Variants in ANKIB1 observed in about 807,000 individuals in gnomAD.
The protein encoded by ANKIB1 is ankyrin repeat and IBR domain containing 1.
A neutral mutation model predicts 122.1 loss-of-function variants in ANKIB1; 43 were observed. The ratio of observed to expected loss-of-function variants is 0.35; its 90% CI spans 0.28 to 0.45. The LOEUF (loss-of-function observed/expected upper bound fraction) is 0.45, where lower values mean the gene tolerates loss of function less well. ANKIB1 is among the 20% of genes least tolerant of loss of function. The probability of loss-of-function intolerance (pLI) is 1.00; values close to 1 mark genes in which losing one functional copy is unlikely to be tolerated. For missense variants in ANKIB1, 992 were observed against 1,329.5 expected (o/e 0.75, Z 3.95); for synonymous variants, 390 against 442.0 (o/e 0.88, Z 1.48).
intron 4 of ANKIB1, chr7:92,325,785 A>G (rs1803015216): frequency 5.2e-6 from 1 of 192,480 alleles, no homozygotes; most frequent in Admixed American, 5.5e-5. Flanking sequence ...TTATGATAAT[A>G]TCAAGGTAGT....
At chr7:92,260,799 T>A (rs1285432568) in intron 1 of ANKIB1, among the ~76,000 whole-genome samples, 1 of 152,204 alleles carries the variant, frequency 6.6e-6, no homozygotes, top group Non-Finnish European at 1.5e-5. Flanking sequence ...AAGCAGTGAT[T>A]TTAGTTTATT....
rs1802864081 is a variant in ANKIB1, at chr7:92,319,677, A to G, written c.669+165A>G. ...AAAGTATAAAAATACATCTAGGCCAACCACAGTGGCTCATGCCTGTAGTTC... is the reference window on the plus strand; with the variant it reads ...AAAGTATAAAAATACATCTAGGCCAGCCACAGTGGCTCATGCCTGTAGTTC... On this transcript the variant is annotated intron_variant, in intron 4 of 19. Coordinates refer to ENST00000265742, the MANE Select transcript of ANKIB1 (RefSeq NM_019004.2). The G allele has an allele frequency of 2.9e-5, 20 of 689,082 alleles. 2 individuals are homozygous for G. In the South Asian group the frequency reaches 4.0e-4, roughly 14 times the overall value. The allele number at this position is 689,082 out of a possible 1,614,324, so 42.7% of individuals were successfully genotyped here. A position where few individuals can be genotyped will look rare whatever the true frequency, so the allele number is the denominator to read the frequency against.
At chr7:92,250,168 C>T (rs1291045651) in intron 1 of ANKIB1, among the ~76,000 whole-genome samples, 2 of 151,894 alleles carry the variant, frequency 1.3e-5, no homozygotes, top group Admixed American at 6.6e-5. Context: ...CTGAGGCAGG[C>T]GGATCACCTG....
Position 92,343,377 on chromosome 7 carries a change from T to C in ANKIB1, c.996+145T>C. On this transcript the variant is annotated intron_variant, in intron 6 of 19. Transcript: ENST00000265742. ...TTCTTGAAAGGTTCGGTTATTTCCA[T>C]GCTTCAGTAAATATTTATTATTACA... The C allele has an allele frequency of 1.0e-5, 7 of 671,962 alleles. No homozygotes were observed. In the South Asian group the frequency reaches 1.5e-4, roughly 14 times the overall value. The allele number at this position is 671,962 out of a possible 1,614,324, so 41.6% of individuals were successfully genotyped here.
chr7:92,256,602 T>C (rs957479976), intron 1 of ANKIB1, among the ~76,000 whole-genome samples: 1 of 152,176 alleles, frequency 6.6e-6, no homozygotes, highest in Non-Finnish European at 1.5e-5. Flanking sequence ...GCTTCTATCT[T>C]ATAAAATGAG....
At chr7:92,372,989 G>T (rs1472672425) in intron 11 of ANKIB1, among the ~76,000 whole-genome samples, 1 of 151,692 alleles carries the variant, frequency 6.6e-6, no homozygotes, top group African/African-American at 2.4e-5. Context: ...TAACTTTGAG[G>T]CTTAATGATT....
At chr7:92,292,089 C>G (rs1349236506) in intron 1 of ANKIB1, among the ~76,000 whole-genome samples, 1 of 152,058 alleles carries the variant, frequency 6.6e-6, no homozygotes, top group East Asian at 1.9e-4. Flanking sequence ...GGTTTTGATT[C>G]AAACAGAGGG....
Position 92,288,991 on chromosome 7 carries a change from A to T in ANKIB1, c.-90-5898A>T, listed in dbSNP as rs1273486592. Among the ~76,000 whole-genome samples the T allele has an allele frequency of 2.0e-5, 3 of 152,348 alleles. No homozygotes were observed. In the East Asian group the frequency reaches 5.8e-4, roughly 29 times the overall value. On this transcript the variant is annotated intron_variant, in intron 1 of 19. Coordinates refer to ENST00000265742, the MANE Select transcript of ANKIB1 (RefSeq NM_019004.2). ...AAGTTAAACATATGACTTAGTACAT[A>T]TCCCAGCAGTTCCACTCTTGGATAT... is the stretch of plus-strand genomic sequence containing the variant.
At chr7:92,269,847 G>A (rs973069493) in intron 1 of ANKIB1, among the ~76,000 whole-genome samples, 6 of 151,516 alleles carry the variant, frequency 4.0e-5, no homozygotes, top group Non-Finnish European at 7.4e-5. Flanking sequence ...TGTACAGCGT[G>A]CAGGTTTGAT....
Position 92,294,938 on chromosome 7 carries a change from G to T in ANKIB1, c.-41G>T. The T allele has an allele frequency of 6.7e-7, 1 of 1,499,830 alleles. No homozygotes were observed. 92.9% of individuals were successfully genotyped at this position (1,499,830 alleles called of 1,614,324 possible). On this transcript the variant is annotated 5_prime_UTR_variant, in exon 2 of 20. Transcript: ENST00000265742. ...TTCCAGAAGTGGCTGAAGATAGAAG[G>T]AAAAAAGTGCCACTGCCTATCAGAA...
chr7:92,355,894 G>A (rs1396906109), intron 9 of ANKIB1, among the ~76,000 whole-genome samples: 7 of 143,512 alleles, frequency 4.9e-5, no homozygotes, highest in Non-Finnish European at 9.2e-5. Flanking sequence ...AATAGTAATA[G>A]TAATAATAAG....
intron 1 of ANKIB1, among the ~76,000 whole-genome samples, chr7:92,259,296 G>A (rs969791498): frequency 6.6e-6 from 1 of 152,124 alleles, no homozygotes; most frequent in African/African-American, 2.4e-5. Flanking sequence ...TAATGTCCAC[G>A]TGCCAGGTCG....
At chr7:92,253,828 T>A (rs1801382024) in intron 1 of ANKIB1, among the ~76,000 whole-genome samples, 1 of 152,198 alleles carries the variant, frequency 6.6e-6, no homozygotes, top group African/African-American at 2.4e-5. Context: ...CATAAATTTC[T>A]CCTGTTTTGG....
intron 1 of ANKIB1, among the ~76,000 whole-genome samples, chr7:92,281,766 C>T (rs1709499169): frequency 6.6e-6 from 1 of 152,162 alleles, no homozygotes; most frequent in African/African-American, 2.4e-5. Flanking sequence ...GGAGCGAGTT[C>T]TTTTCCAGTG....
At chr7:92,248,789 TA>T (rs1452932867) in intron 1 of ANKIB1, among the ~76,000 whole-genome samples, 22 of 152,154 alleles carry the variant, frequency 1.4e-4, no homozygotes, top group African/African-American at 5.1e-4. Flanking sequence ...GTGACTTCCT[TA>T]GGGGGAATGG....
At chr7:92,392,160 A>G in intron 16 of ANKIB1, 81 bp from the exon 17 acceptor site, 1 of 1,141,964 alleles carries the variant, frequency 8.8e-7, no homozygotes, top group Non-Finnish European at 1.2e-6. Flanking sequence ...ATTCAAAGTA[A>G]TGTTCAAAGG....
At chr7:92,367,593 C>T (rs780733421) in intron 10 of ANKIB1, among the ~76,000 whole-genome samples, 6 of 151,934 alleles carry the variant, frequency 3.9e-5, no homozygotes, top group Admixed American at 6.6e-5. Flanking sequence ...TTTCCGAAGT[C>T]TTTGAATTAT....
intron 3 of ANKIB1, among the ~76,000 whole-genome samples, chr7:92,309,569 A>G (rs1248133739): frequency 1.3e-5 from 2 of 152,118 alleles, no homozygotes; most frequent in African/African-American, 2.4e-5. Flanking sequence ...GGACTGCATC[A>G]TATTTCTCAA....
intron 1 of ANKIB1, among the ~76,000 whole-genome samples, chr7:92,293,206 T>G (rs1282032587): frequency 6.6e-6 from 1 of 152,152 alleles, no homozygotes; most frequent in African/African-American, 2.4e-5. Flanking sequence ...GTGCTTCCCC[T>G]AGAGACTCTG....
Sources: allele counts gnomAD v4.1 joint callset (sites outside exome capture counted in the v4.1 genomes callset), GRCh38; gene constraint gnomAD v4.1.1; transcripts MANE v1.5; gene names NCBI Gene and HGNC (gene_info 2026-07-23, HGNC 2026-07-21).